The following NRXN3 variants were observed in gnomAD, a reference collection of about 807,000 sequenced individuals.
The protein encoded by NRXN3 is neurexin 3.
A neutral mutation model predicts 137.6 loss-of-function variants in NRXN3; 32 were observed. The observed-to-expected ratio is 0.23, with a 90% confidence interval of 0.18 to 0.31. The LOEUF is 0.31. Among genes scored for constraint, NRXN3 ranks in the 10% least tolerant of loss-of-function variants. The pLI, the probability that NRXN3 is intolerant of heterozygous loss-of-function variation, is 1.00. For missense variants in NRXN3, 1,574 were observed against 2,062.5 expected (o/e 0.76, Z 4.59); for synonymous variants, 798 against 784.5 (o/e 1.02, Z -0.29).
chr14:78,254,916 C>G (rs951836304), intron 2 of NRXN3, among the ~76,000 whole-genome samples: 1 of 151,756 alleles, frequency 6.6e-6, no homozygotes, highest in Admixed American at 6.6e-5. Context: ...TGGAGACAGG[C>G]CTTGGAAGCA....
At chr14:79,493,169 A>G (rs922789917) in intron 16 of NRXN3, among the ~76,000 whole-genome samples, 1 of 152,200 alleles carries the variant, frequency 6.6e-6, no homozygotes, top group Non-Finnish European at 1.5e-5. Context: ...CTGGGAGGCA[A>G]TGTCCAGACA....
At chr14:78,216,852 C>A (rs1595997827) in intron 1 of NRXN3, among the ~76,000 whole-genome samples, 1 of 152,268 alleles carries the variant, frequency 6.6e-6, no homozygotes, top group East Asian at 1.9e-4. Flanking sequence ...CCTTGGCGTT[C>A]CTTGGCTTGT....
chr14:79,692,102 A>C, intron 17 of NRXN3, 71 bp from the exon 18 acceptor site: 1 of 1,204,246 alleles, frequency 8.3e-7, no homozygotes, highest in Non-Finnish European at 1.2e-6. Flanking sequence ...CAAACCAAAA[A>C]ACCTAGGATG....
intron 16 of NRXN3, among the ~76,000 whole-genome samples, chr14:79,505,831 G>A (rs572540024): frequency 2.6e-5 from 4 of 152,284 alleles, no homozygotes; most frequent in African/African-American, 7.2e-5. Flanking sequence ...CACAATGTTA[G>A]TGGCATAAAA....
intron 20 of NRXN3, among the ~76,000 whole-genome samples, chr14:79,807,073 G>T (rs1046750794): frequency 7.0e-5 from 10 of 142,878 alleles, no homozygotes; most frequent in Admixed American, 2.9e-4. Context: ...AAACTCCCGG[G>T]CTCAAGTGGT....
chr14:79,796,495 G>A (rs1040700779), intron 19 of NRXN3, among the ~76,000 whole-genome samples: 40 of 151,404 alleles, frequency 2.6e-4, no homozygotes, highest in Admixed American at 3.3e-4. Context: ...TTCCCTTTTT[G>A]AGCAAATAGA....
intron 15 of NRXN3, among the ~76,000 whole-genome samples, chr14:79,291,752 T>G (rs2083245235): frequency 6.6e-6 from 1 of 151,460 alleles, no homozygotes; most frequent in Admixed American, 6.6e-5. Context: ...TCATAAATAC[T>G]CTTAAAATTT....
intron 15 of NRXN3, among the ~76,000 whole-genome samples, chr14:79,099,980 G>A (rs2050977384): frequency 6.6e-6 from 1 of 152,148 alleles, no homozygotes; most frequent in Non-Finnish European, 1.5e-5. Context: ...GACCCAAACA[G>A]AATAATTTTC....
At chr14:78,460,349 G>A (rs1416726806) in intron 4 of NRXN3, among the ~76,000 whole-genome samples, 1 of 152,174 alleles carries the variant, frequency 6.6e-6, no homozygotes. Flanking sequence ...TCTGTTTCCT[G>A]CAGGTTGGGG....
intron 4 of NRXN3, among the ~76,000 whole-genome samples, chr14:78,550,913 G>A (rs1232029004): frequency 6.6e-6 from 1 of 152,202 alleles, no homozygotes; most frequent in East Asian, 1.9e-4. Flanking sequence ...CAGTGCAATG[G>A]TGGAGCATGA....
intron 10 of NRXN3, among the ~76,000 whole-genome samples, chr14:78,943,439 G>C (rs1011247538): frequency 6.6e-6 from 1 of 150,816 alleles, no homozygotes; most frequent in African/African-American, 2.4e-5. Flanking sequence ...TGTGAAGTCT[G>C]GGGGGAGAAG....
At chr14:78,273,072 A>G (rs1018768802) in intron 2 of NRXN3, among the ~76,000 whole-genome samples, 7 of 152,370 alleles carry the variant, frequency 4.6e-5, no homozygotes, top group Admixed American at 4.6e-4. Context: ...CCCATCCTGT[A>G]TAACAGCACA....
chr14:78,445,273 A>T (rs141333718), intron 4 of NRXN3, among the ~76,000 whole-genome samples: 1 of 152,202 alleles, frequency 6.6e-6, no homozygotes, highest in East Asian at 1.9e-4. Flanking sequence ...CCTGGGTCCT[A>T]GTTCTTGATC....
intron 15 of NRXN3, among the ~76,000 whole-genome samples, chr14:79,379,915 A>T (rs2094416565): frequency 6.6e-6 from 1 of 151,902 alleles, no homozygotes; most frequent in South Asian, 2.1e-4. Context: ...GTAACACAAT[A>T]TACGAAGTAC....
chr14:79,831,132 A>T (rs531668298), intron 20 of NRXN3, among the ~76,000 whole-genome samples: 1 of 152,258 alleles, frequency 6.6e-6, no homozygotes, highest in Non-Finnish European at 1.5e-5. Flanking sequence ...ATTCAGTAGG[A>T]AATTGGGGGT....
chr14:79,857,502 G>C (rs1276509727), intron 20 of NRXN3, among the ~76,000 whole-genome samples: 2 of 152,258 alleles, frequency 1.3e-5, no homozygotes, highest in South Asian at 4.2e-4. Context: ...GATTACAGGC[G>C]TGAGCCACCG....
chr14:78,994,367 A>G (rs1346725869), intron 15 of NRXN3, among the ~76,000 whole-genome samples: 1 of 152,154 alleles, frequency 6.6e-6, no homozygotes, highest in Non-Finnish European at 1.5e-5. Flanking sequence ...GTTTAACACT[A>G]TAGGCTATGC....
At chr14:79,769,726 A>C (rs985610789) in intron 19 of NRXN3, among the ~76,000 whole-genome samples, 2 of 152,154 alleles carry the variant, frequency 1.3e-5, no homozygotes, top group African/African-American at 4.8e-5. Flanking sequence ...TAACGAGCAA[A>C]ATAACCAGCT....
intron 15 of NRXN3, among the ~76,000 whole-genome samples, chr14:79,292,137 T>A (rs1008257639): frequency 3.9e-5 from 6 of 152,184 alleles, no homozygotes; most frequent in African/African-American, 1.4e-4. Flanking sequence ...TGTAGAACAG[T>A]TCCCGGATAC....
Sources: allele counts gnomAD v4.1 joint callset (sites outside exome capture counted in the v4.1 genomes callset), GRCh38; gene constraint gnomAD v4.1.1; transcripts MANE v1.5; gene names NCBI Gene and HGNC (gene_info 2026-07-23, HGNC 2026-07-21).